Variants in USP54 observed in about 807,000 individuals in gnomAD.
The protein encoded by USP54 is ubiquitin specific peptidase 54, also known as ubiquitin carboxyl-terminal hydrolase 54.
Under a neutral mutation model 170.5 loss-of-function variants are expected in USP54, and 87 were observed. That is an observed-to-expected ratio of 0.51 (90% confidence interval 0.43 to 0.61). The LOEUF is 0.61. Ranked by LOEUF, USP54 falls within the 20% of genes least tolerant of loss-of-function variation. The pLI is 0.00. For missense variants in USP54, 1,786 were observed against 2,047.8 expected (o/e 0.87, Z 2.47); for synonymous variants, 655 against 742.8 (o/e 0.88, Z 1.92).
At chr10:73,565,354 C>A (rs992937804) in intron 4 of USP54, among the ~76,000 whole-genome samples, 1 of 151,690 alleles carries the variant, frequency 6.6e-6, no homozygotes, top group Admixed American at 6.6e-5. Context: ...CCATCTCTAC[C>A]AAAAATTTAA....
intron 20 of USP54, chr10:73,507,090 T>C (rs2059264325): frequency 6.6e-6 from 1 of 151,968 alleles, no homozygotes; most frequent in Non-Finnish European, 1.5e-5. Context: ...GAAATTTTAA[T>C]GAAACATTGT....
At chr10:73,595,492 A>G (rs2078651857), upstream of USP54, among the ~76,000 whole-genome samples, 1 of 150,550 alleles carries the variant, frequency 6.6e-6, no homozygotes, top group African/African-American at 2.5e-5. Flanking sequence ...TTGGCTGTTA[A>G]TCACAGACCT....
intron 1 of USP54, among the ~76,000 whole-genome samples, chr10:73,580,115 G>C: frequency 6.6e-6 from 1 of 152,072 alleles, no homozygotes; most frequent in East Asian, 1.9e-4. Flanking sequence ...CCTTGGATCA[G>C]GAGTTCAAGA....
At chr10:73,549,290 A>C (rs2068663311) in intron 4 of USP54, among the ~76,000 whole-genome samples, 1 of 152,184 alleles carries the variant, frequency 6.6e-6, no homozygotes, top group South Asian at 2.1e-4. Context: ...CCAAAATTAC[A>C]CTAACAGCCC....
At chr10:73,548,931 A>T (rs527844610) in intron 4 of USP54, among the ~76,000 whole-genome samples, 2 of 152,346 alleles carry the variant, frequency 1.3e-5, no homozygotes, top group African/African-American at 4.8e-5. Flanking sequence ...TTTCAGACAT[A>T]TTACTAACAA....
chr10:73,504,613 A>G, intron 22 of USP54: 1 of 564,968 alleles, frequency 1.8e-6, no homozygotes, highest in Non-Finnish European at 3.1e-6. Context: ...TTCTCACCCC[A>G]GGAAACCCTA....
At chr10:73,500,892 G>A in intron 22 of USP54, 54 bp from the exon 23 acceptor site, 3 of 1,545,210 alleles carry the variant, frequency 1.9e-6, no homozygotes, top group Non-Finnish European at 2.6e-6. Flanking sequence ...CACAAAGCAG[G>A]ATGTAGTTGG....
chr10:73,589,202 G>A (rs770388123), intron 1 of USP54, among the ~76,000 whole-genome samples: 9 of 152,090 alleles, frequency 5.9e-5, no homozygotes, highest in Non-Finnish European at 7.4e-5. Context: ...ACATTTTTCC[G>A]TTTAGAGATA....
intron 20 of USP54, among the ~76,000 whole-genome samples, chr10:73,513,989 G>GT (rs1481616515): frequency 6.6e-6 from 1 of 151,704 alleles, no homozygotes; most frequent in African/African-American, 2.4e-5. Flanking sequence ...CTAATTTTTT[G>GT]TATTTATAAT....
At position 73,543,137 on chromosome 10, in the gene USP54, A is replaced by G. The variant is rs2066976855; in HGVS notation, c.376-6T>C. ...ATTCTCATCAGGAGGTTTTCCTGACAGGGAAAGAACAAAAGCAGTATACCA... is the reference window on the plus strand; with the variant it reads ...ATTCTCATCAGGAGGTTTTCCTGACGGGGAAAGAACAAAAGCAGTATACCA... On this transcript the variant is annotated splice_polypyrimidine_tract_variant and splice_region_variant and intron_variant, in intron 5 of 23. Transcript: ENST00000687698. 2 of 1,595,896 alleles carry G rather than the reference A, an allele frequency of 1.3e-6. No homozygotes were observed. Among genetic ancestry groups the G allele is most frequent in the South Asian group, 1.1e-5 (1 of 90,692 alleles).
At chr10:73,509,557 G>A (rs1175464950) in intron 20 of USP54, among the ~76,000 whole-genome samples, 3 of 151,724 alleles carry the variant, frequency 2.0e-5, no homozygotes, top group African/African-American at 4.8e-5. Flanking sequence ...AGAGGCTGCA[G>A]TGAGTTGAGA....
intron 1 of USP54, among the ~76,000 whole-genome samples, chr10:73,612,758 T>C (rs1171106083): frequency 6.9e-6 from 1 of 145,674 alleles, no homozygotes; most frequent in Non-Finnish European, 1.5e-5. Flanking sequence ...GGAAAATCCT[T>C]GAACCCACGA....
chr10:73,554,505 T>C (rs1020365000), intron 4 of USP54, among the ~76,000 whole-genome samples: 1 of 152,248 alleles, frequency 6.6e-6, no homozygotes, highest in African/African-American at 2.4e-5. Flanking sequence ...CACTTGGTTT[T>C]CTGTATTCAA....
intron 1 of USP54, among the ~76,000 whole-genome samples, chr10:73,617,617 T>G (rs1424693758): frequency 1.3e-5 from 2 of 149,918 alleles, no homozygotes; most frequent in African/African-American, 2.5e-5. Flanking sequence ...ATTCCTTGAG[T>G]TCAGGAGTTC....
At chr10:73,557,214 G>A (rs2071320107) in intron 4 of USP54, among the ~76,000 whole-genome samples, 1 of 152,134 alleles carries the variant, frequency 6.6e-6, no homozygotes, top group Non-Finnish European at 1.5e-5. Flanking sequence ...TAAGACCACT[G>A]GGCTACAGGC....
intron 13 of USP54, 58 bp from the exon 14 acceptor site, chr10:73,530,581 C>T (rs1329864225): frequency 6.4e-7 from 1 of 1,564,770 alleles, no homozygotes; most frequent in Non-Finnish European, 8.6e-7. Flanking sequence ...GGATACTAGA[C>T]CCCAATGTCG....
intron 4 of USP54, among the ~76,000 whole-genome samples, chr10:73,561,739 G>A (rs1260920133): frequency 6.6e-6 from 1 of 152,112 alleles, no homozygotes; most frequent in Non-Finnish European, 1.5e-5. Flanking sequence ...AAACAAGTGG[G>A]AGCCACTTCA....
At chr10:73,539,003 G>A (rs747566610) in intron 10 of USP54, among the ~76,000 whole-genome samples, 11 of 151,772 alleles carry the variant, frequency 7.2e-5, no homozygotes, top group South Asian at 2.1e-4. Context: ...AAAATACGCC[G>A]GGCACAGTGG....
intron 1 of USP54, among the ~76,000 whole-genome samples, chr10:73,577,453 T>A (rs2076269681): frequency 6.6e-6 from 1 of 152,206 alleles, no homozygotes; most frequent in Non-Finnish European, 1.5e-5. Flanking sequence ...TACAGCCTAC[T>A]GTCACATTAT....
Sources: allele counts gnomAD v4.1 joint callset (sites outside exome capture counted in the v4.1 genomes callset), GRCh38; gene constraint gnomAD v4.1.1; transcripts MANE v1.5; gene names NCBI Gene and HGNC (gene_info 2026-07-23, HGNC 2026-07-21).